MAPK10: variants seen among roughly 807,000 people sequenced by gnomAD.
The protein encoded by MAPK10 is JNK3 alpha protein kinase.
A neutral mutation model predicts 59.3 loss-of-function variants in MAPK10; 25 were observed. The ratio of observed to expected loss-of-function variants is 0.42; its 90% CI spans 0.31 to 0.59. The LOEUF is 0.59. Ranked by LOEUF, MAPK10 falls within the 20% of genes least tolerant of loss-of-function variation. MAPK10 has a pLI of 0.15. For synonymous variants in MAPK10, 190 were observed against 200.5 expected, an observed-to-expected ratio of 0.95 and a Z score of 0.44; for missense variants, 351 against 568.9, an observed-to-expected ratio of 0.62 and a Z score of 3.90.
At chr4:86,399,280 C>G (rs1278517412) in intron 1 of MAPK10, among the ~76,000 whole-genome samples, 1 of 152,058 alleles carries the variant, frequency 6.6e-6, no homozygotes, top group Non-Finnish European at 1.5e-5. Flanking sequence ...GATTTTGAGT[C>G]TTTAATAAAA....
At chr4:86,465,036 C>G (rs747089850) in intron 1 of MAPK10, among the ~76,000 whole-genome samples, 1 of 152,198 alleles carries the variant, frequency 6.6e-6, no homozygotes, top group Non-Finnish European at 1.5e-5. Context: ...TATTATCCAG[C>G]GATGCCCAAC....
At chr4:86,335,407 G>A (rs1397183009) in intron 2 of MAPK10, among the ~76,000 whole-genome samples, 7 of 152,204 alleles carry the variant, frequency 4.6e-5, no homozygotes, top group Non-Finnish European at 1.0e-4. Flanking sequence ...TGTCTGTAAT[G>A]ATTCTGCCTT....
intron 13 of MAPK10, chr4:86,028,356 T>G (rs890196677): frequency 6.6e-6 from 1 of 152,138 alleles, no homozygotes; most frequent in Non-Finnish European, 1.5e-5. Flanking sequence ...TTGCATCTGT[T>G]TGGGTATCAT....
At chr4:86,360,176 A>G, upstream of MAPK10, 1 of 986,094 alleles carries the variant, frequency 1.0e-6, no homozygotes, top group Non-Finnish European at 1.2e-6. Context: ...GGAAACAGAA[A>G]GAGGAAGCGT....
At position 86,011,865 on chromosome 4, in the gene MAPK10, G is replaced by A. The variant is rs1741467270; in HGVS notation, c.*5363C>T. ...TAAAACATTATTTACAGAAATAGAA[G>A]AGCCACTCCTCAACTGTTCAAACAC... On this transcript the variant is annotated 3_prime_UTR_variant, in exon 14 of 14. Coordinates refer to ENST00000641462, the MANE Select transcript of MAPK10 (RefSeq NM_138982.4). 1 of 152,122 alleles carries A rather than the reference G, an allele frequency of 6.6e-6. No individual in the cohort carries two copies. 9.4% of individuals were successfully genotyped at this position (152,122 alleles called of 1,614,324 possible). A position where few individuals can be genotyped will look rare whatever the true frequency, so the allele number is the denominator to read the frequency against.
intron 1 of MAPK10, among the ~76,000 whole-genome samples, chr4:86,535,980 A>G (rs1162673170): frequency 6.6e-6 from 1 of 152,218 alleles, no homozygotes; most frequent in African/African-American, 2.4e-5. Flanking sequence ...GATGTAACCC[A>G]GAAGAAGTTC....
rs547501008 is a variant in MAPK10, at chr4:86,255,250, A to G, written c.-6-60843T>C. On this transcript the variant is annotated intron_variant, in intron 2 of 13. Transcript: ENST00000641462. ...ACAGCAGTTCACGGTGGGTTCTAAA[A>G]TAAACTCACCTGCTCTTTTTTATTG... 3.3e-5 allele frequency among the ~76,000 whole-genome samples: 5 copies of G among 152,282 alleles called. No individual in the cohort carries two copies. In the South Asian group the frequency reaches 1.0e-3, roughly 32 times the overall value.
chr4:86,270,291 T>A (rs969264200), intron 2 of MAPK10, among the ~76,000 whole-genome samples: 2 of 151,980 alleles, frequency 1.3e-5, no homozygotes, highest in Non-Finnish European at 2.9e-5. Flanking sequence ...TTTAGTATAT[T>A]TCTTGGGAGG....
chr4:86,198,701 CT>C (rs1563006900), intron 2 of MAPK10, among the ~76,000 whole-genome samples: 3 of 151,222 alleles, frequency 2.0e-5, no homozygotes, highest in Non-Finnish European at 4.4e-5. Flanking sequence ...ATATGCTAAG[CT>C]TTGAAAAATA....
intron 1 of MAPK10, among the ~76,000 whole-genome samples, chr4:86,498,884 A>T (rs761788914): frequency 2.0e-5 from 3 of 152,190 alleles, no homozygotes; most frequent in Non-Finnish European, 4.4e-5. Context: ...ACTCAAAGAA[A>T]GTAAAATAAC....
chr4:86,338,398 G>A (rs962283080), intron 2 of MAPK10, among the ~76,000 whole-genome samples: 1 of 152,172 alleles, frequency 6.6e-6, no homozygotes. Flanking sequence ...CTCAAGGACT[G>A]CTGCAGCCCT....
At position 86,127,436 on chromosome 4, in the gene MAPK10, CT is replaced by C. The variant is rs1380789403; in HGVS notation, c.237-20085del. The stretch of plus-strand genomic sequence containing the variant: ...TTTCTATGAACATGACTCAAATAGG[CT>C]TTAACTAGTTTTCATACTTTAAAAT... On this transcript the variant is annotated intron_variant, in intron 4 of 13. Transcript: ENST00000641462. Among the ~76,000 whole-genome samples, 5 of 152,028 alleles carry C rather than the reference CT, an allele frequency of 3.3e-5. No individual in the cohort carries two copies. In the East Asian group the frequency reaches 9.7e-4, roughly 29 times the overall value.
intron 2 of MAPK10, among the ~76,000 whole-genome samples, chr4:86,347,034 CA>C (rs1728663709): frequency 6.6e-6 from 1 of 152,128 alleles, no homozygotes; most frequent in Non-Finnish European, 1.5e-5. Context: ...GCAGTACTAT[CA>C]AGATTGTCCA....
At chr4:86,237,777 T>C (rs2092383165) in intron 2 of MAPK10, among the ~76,000 whole-genome samples, 1 of 152,224 alleles carries the variant, frequency 6.6e-6, no homozygotes, top group African/African-American at 2.4e-5. Context: ...TGCAAAAATT[T>C]TCTCCCATTC....
chr4:86,565,138 A>G (rs959101210), intron 1 of MAPK10, among the ~76,000 whole-genome samples: 15 of 152,186 alleles, frequency 9.9e-5, no homozygotes, highest in Admixed American at 4.6e-4. Flanking sequence ...TCCGCCTCCT[A>G]CTGTACACTA....
intron 1 of MAPK10, 21 bp from the exon 2 acceptor site, chr4:86,354,665 C>G (rs1733486868): frequency 2.1e-6 from 2 of 959,600 alleles, no homozygotes; most frequent in African/African-American, 3.4e-5. Context: ...AGCCAAAAAA[C>G]AGATGAGTTT....
rs529465291 is a variant in MAPK10 at position 86,273,750 on chromosome 4, A to G, written c.-6-79343T>C. Among the ~76,000 whole-genome samples the G allele has an allele frequency of 5.8e-3, 883 of 152,072 alleles. 8 individuals are homozygous for G. The highest frequency in any genetic ancestry group is 0.02 in the African/African-American group (831 of 41,540). The stretch of plus-strand genomic sequence containing the variant: ...ATTAAAATAACTTAGGGGGTAAAGC[A>G]TTGGTGCTTTTCCTTATAGTTGTGA... On this transcript the variant is annotated intron_variant, in intron 2 of 13. Transcript: ENST00000641462.
intron 9 of MAPK10, among the ~76,000 whole-genome samples, chr4:86,078,904 AC>A (rs984149579): frequency 1.3e-5 from 2 of 152,052 alleles, no homozygotes; most frequent in Non-Finnish European, 2.9e-5. Context: ...CAAGAGAATC[AC>A]CTGAACCCAT....
intron 1 of MAPK10, among the ~76,000 whole-genome samples, chr4:86,507,502 T>C (rs1755826166): frequency 6.7e-6 from 1 of 150,368 alleles, no homozygotes; most frequent in African/African-American, 2.4e-5. Context: ...GAAATACCCA[T>C]GTGCACAATA....
Sources: gnomAD v4.1 joint callset for allele counts (sites outside exome capture counted in the v4.1 genomes callset) on GRCh38, gnomAD v4.1.1 for gene constraint, MANE v1.5 for transcripts, NCBI Gene and HGNC (gene_info 2026-07-23, HGNC 2026-07-21) for gene names.